The following CHORDC1 variants were observed in gnomAD, a reference collection of about 807,000 sequenced individuals.
CHORDC1 encodes the protein cysteine and histidine rich domain containing 1, also known as cysteine and histidine-rich domain-containing protein 1.
CHORDC1 carries 25 observed loss-of-function variants against 48.3 expected under a neutral mutation model. The observed-to-expected ratio is 0.52, with a 90% CI of 0.38 to 0.72. CHORDC1 has a LOEUF of 0.72. CHORDC1 is among the 30% of genes least tolerant of loss of function. The pLI, the probability that CHORDC1 is intolerant of heterozygous loss-of-function variation, is 0.00. For missense variants in CHORDC1, 317 were observed against 388.7 expected, an observed-to-expected ratio of 0.82 and a Z score of 1.55; for synonymous variants, 128 against 126.4, an observed-to-expected ratio of 1.01 and a Z score of -0.09.
chr11:90,222,772 C>A lies in CHORDC1; in HGVS notation c.64+119G>T, dbSNP rs1247899494. 4 of 911,196 alleles carry A rather than the reference C, an allele frequency of 4.4e-6. No homozygotes were observed. The Admixed American group carries it at 8.0e-5, about 18-fold the overall frequency. 56.4% of individuals were successfully genotyped at this position (911,196 alleles called of 1,614,324 possible). On this transcript the variant is annotated intron_variant, in intron 1 of 10. Transcript: ENST00000320585. Reference sequence around the variant, plus strand: ...GCAGCCAAGGGAGGCCCAGGAGGGGCATGGACCTGGGGCCGCGCGAGGACG... The same window carrying A: ...GCAGCCAAGGGAGGCCCAGGAGGGGAATGGACCTGGGGCCGCGCGAGGACG...
At chr11:90,220,946 C>T (rs1450577112) in intron 1 of CHORDC1, among the ~76,000 whole-genome samples, 2 of 152,042 alleles carry the variant, frequency 1.3e-5, no homozygotes, top group African/African-American at 4.8e-5. Flanking sequence ...AAGTTACCAA[C>T]TGTGTCTCCC....
At chr11:90,211,669 G>A (rs1857864015) in intron 4 of CHORDC1, 1 of 202,962 alleles carries the variant, frequency 4.9e-6, no homozygotes, top group Non-Finnish European at 9.8e-6. Flanking sequence ...TACATCCCAT[G>A]CCCAAGCTCA....
At chr11:90,219,310 T>C (rs1858103692) in intron 1 of CHORDC1, among the ~76,000 whole-genome samples, 1 of 152,162 alleles carries the variant, frequency 6.6e-6, no homozygotes, top group Non-Finnish European at 1.5e-5. Flanking sequence ...GCCTATTTTC[T>C]AGATTCTCAC....
At position 90,213,186 on chromosome 11, in the gene CHORDC1, T is replaced by C. The variant is rs11601793; in HGVS notation, c.329+832A>G. The C allele has an allele frequency of 9.5e-6, 4 of 421,872 alleles. No individual in the cohort carries two copies. In the East Asian group the frequency reaches 1.0e-4, roughly 11 times the overall value. 26.1% of individuals were successfully genotyped at this position (421,872 alleles called of 1,614,324 possible). ...TGTACTCAGAGTGCTAATGAACAAA[T>C]AAACATCTAAAGTCTCTTAGGGTTC... On this transcript the variant is annotated intron_variant, in intron 4 of 10. Transcript: ENST00000320585.
intron 6 of CHORDC1, chr11:90,206,769 G>T: frequency 7.8e-7 from 1 of 1,287,200 alleles, no homozygotes; most frequent in Non-Finnish European, 1.0e-6. Flanking sequence ...TCCAGGGTTT[G>T]TCTGGAAGAT....
intron 1 of CHORDC1, 116 bp downstream of exon 1, chr11:90,222,775 G>C: frequency 2.1e-6 from 2 of 949,818 alleles, no homozygotes; most frequent in Non-Finnish European, 3.3e-6. Context: ...GGAGGGGCAT[G>C]GACCTGGGGC....
At chr11:90,204,198 A>T (rs1026772395) in intron 8 of CHORDC1, among the ~76,000 whole-genome samples, 2 of 152,174 alleles carry the variant, frequency 1.3e-5, no homozygotes, top group African/African-American at 4.8e-5. Flanking sequence ...TTAATACTTG[A>T]TAACTGCATA....
chr11:90,204,794 T>A (rs529900002), intron 8 of CHORDC1, among the ~76,000 whole-genome samples: 1 of 152,066 alleles, frequency 6.6e-6, no homozygotes, highest in Non-Finnish European at 1.5e-5. Context: ...TTTAATACAT[T>A]ATAAAATACA....
intron 6 of CHORDC1, chr11:90,208,981 T>G (rs1482123317): frequency 2.6e-5 from 4 of 152,160 alleles, no homozygotes; most frequent in Non-Finnish European, 1.5e-5. Flanking sequence ...TTACATAATT[T>G]TCTCTATACT....
chr11:90,207,832 G>A (rs1394044742), intron 6 of CHORDC1: 2 of 139,754 alleles, frequency 1.4e-5, no homozygotes, highest in Admixed American at 1.5e-4. Flanking sequence ...AGTTGAACTA[G>A]CCTCACATAC....
In CHORDC1 at chr11:90,200,706, A is replaced by C. The variant is rs149177479; in HGVS notation, c.*1699T>G. Among the ~76,000 whole-genome samples the C allele has an allele frequency of 6.6e-6, 1 of 151,978 alleles. No homozygotes were observed. The highest frequency in any genetic ancestry group is 2.4e-5 in the African/African-American group (1 of 41,440). The stretch of plus-strand genomic sequence containing the variant: ...TCAATGTAACTAATCTGAGGTTACA[A>C]TAACTCACTGCTTCAAATAATATTT... On this transcript the variant is annotated 3_prime_UTR_variant, in exon 11 of 11. Transcript: ENST00000320585.
chr11:90,211,371 T>G, intron 4 of CHORDC1, 53 bp from the exon 5 acceptor site: 1 of 1,143,226 alleles, frequency 8.7e-7, no homozygotes, highest in Non-Finnish European at 1.3e-6. Flanking sequence ...AATATTTCTT[T>G]GTACTCCAAA....
At position 90,222,906 on chromosome 11, in the gene CHORDC1, C is replaced by G; in HGVS notation, c.49G>C (p.Glu17Gln). 6.2e-7 allele frequency: 1 copy of G among 1,614,126 alleles called. No homozygotes were observed. Among genetic ancestry groups the G allele is most frequent in the Non-Finnish European group, 8.5e-7 (1 of 1,179,990 alleles). The change falls in exon 1 of 11, where the codon GAG (glutamate) becomes CAG (glutamine). Residue 17 changes from glutamate to glutamine, a missense_variant. Transcript: ENST00000320585. Reference protein sequence around the residue: ...NRGCGQRFDPETNSDDACTYH... With the variant: ...NRGCGQRFDPQTNSDDACTYH... ...TTCCTCTTACCGTCGGAATTGGTCT[C>G]AGGATCGAAGCGCTGACCGCAGCCC...
intron 1 of CHORDC1, 159 bp downstream of exon 1, chr11:90,222,732 C>CGGCGGGCTG (rs758241088): frequency 5.4e-6 from 4 of 740,216 alleles, no homozygotes; most frequent in Non-Finnish European, 9.6e-6. Flanking sequence ...GAGGGGCGGC[C>CGGCGGGCTG]GGCGGGCTGC....
rs990132976 is a variant in CHORDC1 at position 90,223,031 on chromosome 11, T to G, written c.-77A>C. ...GATGCGTTTGCCACTCCCGTGTCGC[T>G]AGCACCGGTCTGACGACTGAGGCGG... On this transcript the variant is annotated 5_prime_UTR_variant, in exon 1 of 11. Transcript: ENST00000320585. The G allele has an allele frequency of 2.3e-6, 3 of 1,294,468 alleles. No homozygotes were observed. The highest frequency in any genetic ancestry group is 2.2e-6 in the Non-Finnish European group (2 of 897,046). The allele number at this position is 1,294,468 out of a possible 1,614,324, so 80.2% of individuals were successfully genotyped here. A position where few individuals can be genotyped will look rare whatever the true frequency, so the allele number is the denominator to read the frequency against.
intron 6 of CHORDC1, chr11:90,207,508 A>G (rs1186295378): frequency 2.0e-5 from 3 of 152,154 alleles, no homozygotes; most frequent in Admixed American, 2.0e-4. Context: ...AAGCAATTTG[A>G]TAAAAAGTTT....
intron 6 of CHORDC1, chr11:90,209,008 C>G (rs1287138974): frequency 6.6e-6 from 1 of 152,074 alleles, no homozygotes; most frequent in Non-Finnish European, 1.5e-5. Flanking sequence ...ATTACTTACG[C>G]TTGAAATACC....
At chr11:90,222,751 C>A (rs1425897149) in intron 1 of CHORDC1, 140 bp downstream of exon 1, 1 of 809,332 alleles carries the variant, frequency 1.2e-6, no homozygotes, top group Non-Finnish European at 2.1e-6. Flanking sequence ...GCGCGGGCAG[C>A]CAAGGGAGGC....
chr11:90,221,788 C>G (rs1322393497), intron 1 of CHORDC1, among the ~76,000 whole-genome samples: 2 of 152,126 alleles, frequency 1.3e-5, no homozygotes, highest in Non-Finnish European at 2.9e-5. Flanking sequence ...TATCAATGGT[C>G]TTATTTTAAA....
Sources: allele counts gnomAD v4.1 joint callset (sites outside exome capture counted in the v4.1 genomes callset), GRCh38; gene constraint gnomAD v4.1.1; transcripts MANE v1.5; gene names NCBI Gene and HGNC (gene_info 2026-07-23, HGNC 2026-07-21).